The following MAMDC2 variants were observed in gnomAD, a reference collection of about 807,000 sequenced individuals.
The protein encoded by MAMDC2 is MAM domain containing 2.
MAMDC2 carries 57 observed loss-of-function variants against 89.8 expected under a neutral mutation model. The observed-to-expected ratio is 0.63, with a 90% CI of 0.51 to 0.79. MAMDC2 has a LOEUF of 0.79. Among genes scored for constraint, MAMDC2 ranks in the 30% least tolerant of loss-of-function variants. The probability of loss-of-function intolerance (pLI) is 0.00; values close to 1 mark genes in which losing one functional copy is unlikely to be tolerated. For missense variants in MAMDC2, 800 were observed against 820.6 expected, an observed-to-expected ratio of 0.97 and a Z score of 0.31; for synonymous variants, 313 against 293.4, an observed-to-expected ratio of 1.07 and a Z score of -0.68.
intron 11 of MAMDC2, among the ~76,000 whole-genome samples, chr9:70,190,077 T>C (rs116342803): frequency 6.7e-4 from 102 of 152,324 alleles, no homozygotes; most frequent in African/African-American, 1.9e-3. Context: ...GTAAGTCCAA[T>C]GTCTTGACTT....
rs563570720 is a variant in MAMDC2, at chr9:70,213,934, T to C, written c.1652-4403T>C. 3.9e-4 allele frequency among the ~76,000 whole-genome samples: 59 copies of C among 152,268 alleles called. 1 individual carries two copies. The Middle Eastern group carries it at 0.01, about 26-fold the overall frequency. On this transcript the variant is annotated intron_variant, in intron 11 of 13. Coordinates refer to ENST00000377182, the MANE Select transcript of MAMDC2 (RefSeq NM_153267.5). ...CTTCACACATTTGGAGTGACTACGGTGGAGCCATGTGCCCTAGAAATGGTC... is the reference window on the plus strand; with the variant it reads ...CTTCACACATTTGGAGTGACTACGGCGGAGCCATGTGCCCTAGAAATGGTC...
At chr9:70,179,507 G>C (rs975527249) in intron 11 of MAMDC2, among the ~76,000 whole-genome samples, 5 of 145,860 alleles carry the variant, frequency 3.4e-5, no homozygotes, top group Admixed American at 2.8e-4. Context: ...CTGGGCAACA[G>C]AGCAAGACTC....
At chr9:70,115,602 T>C (rs2029950430) in intron 5 of MAMDC2, among the ~76,000 whole-genome samples, 3 of 152,172 alleles carry the variant, frequency 2.0e-5, no homozygotes, top group Admixed American at 2.0e-4. Flanking sequence ...GTGATCCGCC[T>C]GCCTCGGCCT....
intron 11 of MAMDC2, among the ~76,000 whole-genome samples, chr9:70,195,281 C>T (rs188008701): frequency 8.9e-4 from 136 of 152,114 alleles, no homozygotes; most frequent in African/African-American, 3.0e-3. Context: ...CCACCTGGCT[C>T]CTATTTAATA....
chr9:70,092,289 C>T (rs1009411505), intron 2 of MAMDC2: 1 of 152,122 alleles, frequency 6.6e-6, no homozygotes, highest in African/African-American at 2.4e-5. Flanking sequence ...ACCAAGGCCT[C>T]CCTCAGTGAT....
intron 11 of MAMDC2, among the ~76,000 whole-genome samples, chr9:70,199,856 G>C (rs1017185475): frequency 1.3e-5 from 2 of 150,580 alleles, no homozygotes; most frequent in African/African-American, 4.9e-5. Flanking sequence ...CTTCTTTTGA[G>C]AAGTGTCTGT....
chr9:70,221,380 T>TAGAGAGAGAGAGAGAGAGAGAGAGAG (rs58804811), intron 12 of MAMDC2, among the ~76,000 whole-genome samples: 14 of 7,010 alleles, frequency 2.0e-3, no homozygotes, highest in Admixed American at 2.8e-3. Flanking sequence ...TATATATATA[T>TAGAGAGAGAGAGAGAGAGAGAGAGAG]AGAGAGAGAG....
At chr9:70,205,028 C>T (rs554222911) in intron 11 of MAMDC2, among the ~76,000 whole-genome samples, 6 of 152,346 alleles carry the variant, frequency 3.9e-5, no homozygotes, top group East Asian at 3.9e-4. Flanking sequence ...GCCTCGCTCA[C>T]GCTGGGAGCT....
chr9:70,224,187 T>C (rs1055225048), intron 12 of MAMDC2, among the ~76,000 whole-genome samples: 3 of 136,094 alleles, frequency 2.2e-5, no homozygotes, highest in Non-Finnish European at 4.7e-5. Flanking sequence ...CACTGTGTAT[T>C]AATCAGTGTT....
chr9:70,108,116 T>G, intron 2 of MAMDC2, 95 bp from the exon 3 acceptor site: 1 of 1,263,206 alleles, frequency 7.9e-7, no homozygotes, highest in Non-Finnish European at 1.1e-6. Flanking sequence ...TATCTGCAGG[T>G]TTATCTGCCC....
Position 70,143,724 on chromosome 9 carries a change from C to T in MAMDC2, c.1309C>T (p.His437Tyr), listed in dbSNP as rs375704580. The T allele has an allele frequency of 1.2e-6, 2 of 1,614,082 alleles. No homozygotes were observed. The highest frequency in any genetic ancestry group is 1.7e-6 in the Non-Finnish European group (2 of 1,179,994). ...AGCAGTTTACATCTTTGAAGAGAAC[C>T]ATGTGGTTCAAGAGAAGATCTGGTC... ...TLAVYIFEEN[H>Y]VVQEKIWSVL... is the part of the protein sequence containing the mutation. Residue 437 changes from histidine to tyrosine, a missense_variant, in exon 9 of 14, where the codon CAT becomes TAT. His to Tyr is a moderately conservative substitution (Grantham distance 83). Transcript: ENST00000377182.
intron 5 of MAMDC2, among the ~76,000 whole-genome samples, chr9:70,117,791 A>G (rs1483927463): frequency 6.6e-6 from 1 of 152,172 alleles, no homozygotes; most frequent in Non-Finnish European, 1.5e-5. Context: ...AAAGCTAAAC[A>G]GATTTCTTTA....
At chr9:70,200,324 C>A (rs1316535797) in intron 11 of MAMDC2, among the ~76,000 whole-genome samples, 5 of 146,684 alleles carry the variant, frequency 3.4e-5, no homozygotes, top group African/African-American at 5.0e-5. Context: ...TTCCCCATTG[C>A]TTGTTTTTCT....
At chr9:70,107,535 G>T (rs1366078552) in intron 2 of MAMDC2, among the ~76,000 whole-genome samples, 1 of 152,168 alleles carries the variant, frequency 6.6e-6, no homozygotes, top group Non-Finnish European at 1.5e-5. Flanking sequence ...TACATGTTTT[G>T]CAAGTGTTTC....
intron 11 of MAMDC2, among the ~76,000 whole-genome samples, chr9:70,211,957 G>A (rs898535377): frequency 3.3e-5 from 5 of 152,224 alleles, no homozygotes; most frequent in Non-Finnish European, 5.9e-5. Flanking sequence ...TTGCAGAATG[G>A]CAGATGTTGC....
At chr9:70,208,552 C>G (rs1327053130) in intron 11 of MAMDC2, among the ~76,000 whole-genome samples, 6 of 152,164 alleles carry the variant, frequency 3.9e-5, no homozygotes, top group Admixed American at 6.5e-5. Flanking sequence ...ATGGGGTTTT[C>G]TAAATATACA....
chr9:70,222,414 A>C (rs1232877696), intron 12 of MAMDC2, among the ~76,000 whole-genome samples: 1 of 152,146 alleles, frequency 6.6e-6, no homozygotes, highest in Admixed American at 6.5e-5. Context: ...GTACAGCTTG[A>C]ATGGGGGTGG....
At chr9:70,097,920 G>A (rs1828069768) in intron 2 of MAMDC2, among the ~76,000 whole-genome samples, 1 of 152,032 alleles carries the variant, frequency 6.6e-6, no homozygotes, top group African/African-American at 2.4e-5. Flanking sequence ...CAAGGAGAGG[G>A]GTGAAGAGAA....
intron 2 of MAMDC2, chr9:70,093,837 C>A (rs930440010): frequency 3.9e-5 from 6 of 152,182 alleles, no homozygotes; most frequent in African/African-American, 1.4e-4. Context: ...AACAAACACT[C>A]TCTATCGGGT....
Sources: gnomAD v4.1 joint callset for allele counts (sites outside exome capture counted in the v4.1 genomes callset) on GRCh38, gnomAD v4.1.1 for gene constraint, MANE v1.5 for transcripts, NCBI Gene and HGNC (gene_info 2026-07-23, HGNC 2026-07-21) for gene names.